CAPZB: variants seen among roughly 807,000 people sequenced by gnomAD.
CAPZB encodes capping actin protein of muscle Z-line subunit beta.
Under a neutral mutation model 38.1 loss-of-function variants are expected in CAPZB, and 2 were observed. The ratio of observed to expected loss-of-function variants is 0.05; its 90% CI spans 0.02 to 0.17. The LOEUF (loss-of-function observed/expected upper bound fraction) is 0.17, where lower values mean the gene tolerates loss of function less well. CAPZB is among the 10% of genes least tolerant of loss of function. The pLI is 1.00. For missense variants in CAPZB, 161 were observed against 334.2 expected (o/e 0.48, Z 4.04); for synonymous variants, 107 against 127.4 (o/e 0.84, Z 1.08).
intron 8 of CAPZB, among the ~76,000 whole-genome samples, chr1:19,340,212 G>A (rs1391150964): frequency 2.0e-5 from 3 of 152,210 alleles, no homozygotes; most frequent in Non-Finnish European, 2.9e-5. Context: ...GTGTCTCTGC[G>A]TGTCTGAGCA....
intron 2 of CAPZB, among the ~76,000 whole-genome samples, chr1:19,412,551 G>C (rs1480666096): frequency 6.6e-6 from 1 of 152,122 alleles, no homozygotes; most frequent in Non-Finnish European, 1.5e-5. Flanking sequence ...CCAAGTAGTT[G>C]TAACTTCAGA....
At chr1:19,375,332 T>C (rs1434818310) in intron 4 of CAPZB, among the ~76,000 whole-genome samples, 1 of 152,130 alleles carries the variant, frequency 6.6e-6, no homozygotes. Context: ...GAGTCAAAAT[T>C]CATGCCTCTG....
At chr1:19,413,567 C>CA (rs930255006) in intron 2 of CAPZB, among the ~76,000 whole-genome samples, 2 of 152,196 alleles carry the variant, frequency 1.3e-5, no homozygotes, top group African/African-American at 2.4e-5. Context: ...CTCCTGAGCT[C>CA]AAGCAATTCT....
intron 2 of CAPZB, among the ~76,000 whole-genome samples, chr1:19,399,751 C>T (rs56224045): frequency 0.39 from 58,922 of 151,948 alleles, 11,895 homozygotes; most frequent in African/African-American, 0.52. Flanking sequence ...AAAAAAAGGG[C>T]TGTACCAATT....
chr1:19,432,907 T>G (rs982039248), intron 1 of CAPZB, among the ~76,000 whole-genome samples: 2 of 152,212 alleles, frequency 1.3e-5, no homozygotes, highest in African/African-American at 4.8e-5. Flanking sequence ...GATGAACAAA[T>G]TATGGACAAT....
At chr1:19,483,524 C>T (rs1181511244) in intron 1 of CAPZB, among the ~76,000 whole-genome samples, 1 of 152,230 alleles carries the variant, frequency 6.6e-6, no homozygotes, top group Non-Finnish European at 1.5e-5. Flanking sequence ...TCCACCCTTT[C>T]CAGCCTTTTC....
At chr1:19,435,476 T>C (rs545715200) in intron 1 of CAPZB, among the ~76,000 whole-genome samples, 4 of 152,350 alleles carry the variant, frequency 2.6e-5, no homozygotes, top group African/African-American at 7.2e-5. Flanking sequence ...AAGCAGGCTC[T>C]GCCAAACACA....
chr1:19,400,493 G>A (rs1441326259), intron 2 of CAPZB, among the ~76,000 whole-genome samples: 1 of 152,174 alleles, frequency 6.6e-6, no homozygotes, highest in Non-Finnish European at 1.5e-5. Context: ...CCTCATCCAG[G>A]GCCAGTGCCT....
chr1:19,442,157 C>T (rs369325476), intron 1 of CAPZB, among the ~76,000 whole-genome samples: 21 of 151,646 alleles, frequency 1.4e-4, no homozygotes, highest in African/African-American at 4.4e-4. Context: ...TACATTATTA[C>T]TGTAATCCTA....
chr1:19,404,543 TAAA>T (rs11356951), intron 2 of CAPZB, among the ~76,000 whole-genome samples: 10 of 128,012 alleles, frequency 7.8e-5, no homozygotes, highest in African/African-American at 1.4e-4. Flanking sequence ...AACTCCATGT[TAAA>T]AAAAAAAAAA....
rs1310465454 is a variant in CAPZB at position 19,448,829 on chromosome 1, G to A, written c.4-29079C>T. On this transcript the variant is annotated intron_variant, in intron 1 of 8. Transcript: ENST00000264202. The stretch of plus-strand genomic sequence containing the variant: ...CTCCCCCCTCAGATCTAAAGTGCGT[G>A]TCACCTTTCTAGGTTCTGGGTCACA... 15 of 1,612,836 alleles carry A rather than the reference G, an allele frequency of 9.3e-6. 1 individual carries two copies. The highest frequency in any genetic ancestry group is 2.2e-5 in the South Asian group (2 of 91,076).
Position 19,357,318 on chromosome 1 carries a change from G to T in CAPZB, c.471+104C>A. On this transcript the variant is annotated intron_variant, in intron 5 of 8. Coordinates refer to ENST00000264202, the MANE Select transcript of CAPZB (RefSeq NM_004930.5). This position sits in a 1 kb window ranked among gnomAD's most constrained non-coding sequence, Gnocchi z 4.3. The stretch of plus-strand genomic sequence containing the variant: ...CATTTCTCAGAATTAGGGGTTCAGA[G>T]ATCACAGCATCCCCCTACTGCATCT... 1 of 1,059,326 alleles carries T rather than the reference G, an allele frequency of 9.4e-7. No individual in the cohort carries two copies. The highest frequency in any genetic ancestry group is 2.1e-5 in the Admixed American group (1 of 48,642). The allele number at this position is 1,059,326 out of a possible 1,614,324, so 65.6% of individuals were successfully genotyped here. A position where few individuals can be genotyped will look rare whatever the true frequency, so the allele number is the denominator to read the frequency against.
intron 1 of CAPZB, among the ~76,000 whole-genome samples, chr1:19,440,888 G>A (rs1483119271): frequency 1.3e-5 from 2 of 152,044 alleles, no homozygotes; most frequent in Non-Finnish European, 2.9e-5. Context: ...GTGAAACCCC[G>A]TCTCTACTAA....
intron 2 of CAPZB, among the ~76,000 whole-genome samples, chr1:19,417,991 C>G (rs1417974528): frequency 1.3e-5 from 2 of 151,852 alleles, no homozygotes; most frequent in African/African-American, 4.8e-5. Context: ...ACAAAATTAG[C>G]TGGGCACGGT....
chr1:19,400,533 G>A (rs2094297811), intron 2 of CAPZB, among the ~76,000 whole-genome samples: 1 of 152,246 alleles, frequency 6.6e-6, no homozygotes, highest in South Asian at 2.1e-4. Context: ...CTTTCTAACA[G>A]CTCTGAGGAG....
At chr1:19,339,895 C>G (rs1474852346) in intron 8 of CAPZB, among the ~76,000 whole-genome samples, 1 of 152,208 alleles carries the variant, frequency 6.6e-6, no homozygotes, top group African/African-American at 2.4e-5. Flanking sequence ...ACCGGTGACC[C>G]GGCCATAGTC....
At chr1:19,353,076 G>T (rs1252909458) in intron 6 of CAPZB, among the ~76,000 whole-genome samples, 2 of 152,214 alleles carry the variant, frequency 1.3e-5, no homozygotes, top group African/African-American at 4.8e-5. Flanking sequence ...GTGCGCCCGG[G>T]GCCACACACA....
chr1:19,372,294 T>A (rs1249018231), intron 4 of CAPZB, among the ~76,000 whole-genome samples: 1 of 152,252 alleles, frequency 6.6e-6, no homozygotes, highest in East Asian at 1.9e-4. Context: ...GAAGGTATTA[T>A]CTGCTCCAAG....
At chr1:19,351,995 C>T (rs575371245) in intron 6 of CAPZB, among the ~76,000 whole-genome samples, 5 of 152,318 alleles carry the variant, frequency 3.3e-5, no homozygotes, top group East Asian at 3.9e-4. Context: ...CTTGAAGCTG[C>T]GCTGCTCAAG....
Sources: gnomAD v4.1 joint callset for allele counts (sites outside exome capture counted in the v4.1 genomes callset) on GRCh38, gnomAD v4.1.1 for gene constraint, Gnocchi (gnomAD v3.1) non-coding constraint, MANE v1.5 for transcripts, NCBI Gene and HGNC (gene_info 2026-07-23, HGNC 2026-07-21) for gene names.